The following DLGAP2 variants were observed in gnomAD, a reference collection of about 807,000 sequenced individuals.
The protein encoded by DLGAP2 is disks large-associated protein 2.
In DLGAP2, 26 loss-of-function variants were observed where a neutral mutation model predicts 100.3. The ratio of observed to expected loss-of-function variants is 0.26; its 90% CI spans 0.19 to 0.36. The LOEUF is 0.36. DLGAP2 is among the 10% of genes least tolerant of loss of function. DLGAP2 has a pLI of 1.00. For synonymous variants in DLGAP2, 886 were observed against 630.1 expected (o/e 1.41, Z -6.08); for missense variants, 1,858 against 1,453.2 (o/e 1.28, Z -4.53).
intron 4 of DLGAP2, among the ~76,000 whole-genome samples, chr8:1,532,799 A>C (rs17748677): frequency 0.14 from 20,644 of 152,236 alleles, 1,763 homozygotes; most frequent in East Asian, 0.27. Flanking sequence ...GTTCGGTTAT[A>C]GTCAAATGTT....
intron 4 of DLGAP2, among the ~76,000 whole-genome samples, chr8:1,534,347 G>C (rs1390679454): frequency 3.3e-5 from 5 of 152,192 alleles, no homozygotes; most frequent in Admixed American, 3.3e-4. Context: ...ACTGATAGCA[G>C]CTTTCTTTTG....
chr8:924,198 A>G (rs1363528140), intron 2 of DLGAP2, among the ~76,000 whole-genome samples: 1 of 152,188 alleles, frequency 6.6e-6, no homozygotes, highest in Non-Finnish European at 1.5e-5. Flanking sequence ...CCTCACAGCC[A>G]CTGCTGATTA....
At chr8:1,221,679 C>G (rs956691977) in intron 2 of DLGAP2, among the ~76,000 whole-genome samples, 3 of 152,292 alleles carry the variant, frequency 2.0e-5, no homozygotes, top group Non-Finnish European at 4.4e-5. Context: ...GGACAGCATT[C>G]TCAAATATAT....
At chr8:1,701,117 G>A (rs969333011) in intron 14 of DLGAP2, 71 bp from the exon 15 acceptor site, 5 of 1,432,194 alleles carry the variant, frequency 3.5e-6, no homozygotes, top group Non-Finnish European at 4.7e-6. Flanking sequence ...AGGCCCCAGG[G>A]CCGCTGAGCT....
chr8:1,416,883 C>G (rs1204074176), intron 3 of DLGAP2, among the ~76,000 whole-genome samples: 1 of 152,118 alleles, frequency 6.6e-6, no homozygotes, highest in African/African-American at 2.4e-5. Context: ...AAAACCTGTT[C>G]GTGTGAAAGC....
chr8:1,422,077 G>C (rs569291197), intron 3 of DLGAP2, among the ~76,000 whole-genome samples: 1 of 152,316 alleles, frequency 6.6e-6, no homozygotes, highest in South Asian at 2.1e-4. Flanking sequence ...GGGCGAGGCT[G>C]CGTTTGTTAC....
intron 2 of DLGAP2, among the ~76,000 whole-genome samples, chr8:1,094,939 G>A (rs935404032): frequency 6.6e-6 from 1 of 152,238 alleles, no homozygotes; most frequent in Non-Finnish European, 1.5e-5. Flanking sequence ...GACACAGGGA[G>A]AAACAGAAGG....
At chr8:767,471 C>T (rs548703121) in intron 1 of DLGAP2, among the ~76,000 whole-genome samples, 38 of 150,642 alleles carry the variant, frequency 2.5e-4, no homozygotes, top group African/African-American at 8.0e-4. Context: ...AAGCGATTCT[C>T]GTGCCTCAGT....
At chr8:1,263,080 A>G (rs944361762) in intron 3 of DLGAP2, among the ~76,000 whole-genome samples, 2 of 152,224 alleles carry the variant, frequency 1.3e-5, no homozygotes, top group Non-Finnish European at 2.9e-5. Context: ...AAATAAAATC[A>G]GCTATTAATA....
intron 2 of DLGAP2, among the ~76,000 whole-genome samples, chr8:957,242 C>T (rs1350662217): frequency 2.6e-5 from 4 of 152,240 alleles, no homozygotes; most frequent in Admixed American, 1.3e-4. Flanking sequence ...GCTTGTGGGA[C>T]AGCCAGAGGC....
At chr8:1,011,129 G>T (rs1046498720) in intron 2 of DLGAP2, among the ~76,000 whole-genome samples, 2 of 151,800 alleles carry the variant, frequency 1.3e-5, no homozygotes, top group Admixed American at 6.5e-5. Flanking sequence ...CGGGCGAAGG[G>T]CCTCAGTCTA....
At chr8:1,209,721 A>G (rs992390982) in intron 2 of DLGAP2, among the ~76,000 whole-genome samples, 2 of 152,172 alleles carry the variant, frequency 1.3e-5, no homozygotes, top group Admixed American at 6.5e-5. Flanking sequence ...TAATCAAAGG[A>G]AAACATTTAA....
chr8:1,336,111 C>G (rs917078772), intron 3 of DLGAP2, among the ~76,000 whole-genome samples: 1 of 152,254 alleles, frequency 6.6e-6, no homozygotes, highest in Non-Finnish European at 1.5e-5. Context: ...GCATCCAAGA[C>G]CACCCTGTTC....
chr8:1,122,943 A>G (rs1796083817), intron 2 of DLGAP2, among the ~76,000 whole-genome samples: 1 of 152,224 alleles, frequency 6.6e-6, no homozygotes, highest in Admixed American at 6.5e-5. Context: ...ACCTCACACA[A>G]CAGGAGCTTT....
chr8:1,110,071 G>A (rs1461816243), intron 2 of DLGAP2, among the ~76,000 whole-genome samples: 6 of 139,456 alleles, frequency 4.3e-5, no homozygotes, highest in African/African-American at 1.4e-4. Flanking sequence ...TGTGTGCACA[G>A]GTCTGTGAGG....
At chr8:1,169,228 A>T (rs978107812) in intron 2 of DLGAP2, among the ~76,000 whole-genome samples, 4 of 152,184 alleles carry the variant, frequency 2.6e-5, no homozygotes, top group East Asian at 1.9e-4. Context: ...TCTGTTCTGT[A>T]CTATTGATCT....
intron 2 of DLGAP2, among the ~76,000 whole-genome samples, chr8:916,415 C>T (rs1798594506): frequency 6.6e-6 from 1 of 152,154 alleles, no homozygotes; most frequent in East Asian, 1.9e-4. Context: ...TTCTCAGCAA[C>T]TATTGCAAGG....
chr8:1,146,106 C>G (rs928142401), intron 2 of DLGAP2, among the ~76,000 whole-genome samples: 1 of 152,198 alleles, frequency 6.6e-6, no homozygotes, highest in Non-Finnish European at 1.5e-5. Context: ...CACACACCCA[C>G]TGCCAGGCCA....
intron 2 of DLGAP2, among the ~76,000 whole-genome samples, chr8:1,227,176 T>TATATATATATATATA (rs1563265057): frequency 3.4e-5 from 2 of 58,928 alleles, no homozygotes; most frequent in Non-Finnish European, 6.3e-5. Flanking sequence ...ATATATATAG[T>TATATATATATATATA]ATAGATATAT....
Sources: gnomAD v4.1 joint callset for allele counts (sites outside exome capture counted in the v4.1 genomes callset) on GRCh38, gnomAD v4.1.1 for gene constraint, MANE v1.5 for transcripts, NCBI Gene and HGNC (gene_info 2026-07-23, HGNC 2026-07-21) for gene names.